The following ALB variants were observed in gnomAD, a reference collection of about 807,000 sequenced individuals.
ALB encodes the protein albumin, also known as serum albumin.
ALB carries 37 observed loss-of-function variants against 74.5 expected under a neutral mutation model. The observed-to-expected ratio is 0.50, with a 90% confidence interval of 0.38 to 0.65. The LOEUF is 0.65. ALB is among the 30% of genes least tolerant of loss of function. The pLI is 0.00. For synonymous variants in ALB, 249 were observed against 251.6 expected (o/e 0.99, Z 0.10); for missense variants, 685 against 718.7 (o/e 0.95, Z 0.54).
Position 73,413,458 on chromosome 4 carries a change from G to C in ALB, c.882G>C (p.Ser294=). The change falls in exon 8 of 15, where the codon TCG becomes TCC. Residue 294 remains serine (S), a synonymous_variant. Coordinates refer to ENST00000295897, the MANE Select transcript of ALB (RefSeq NM_000477.7). ...LAKYICENQD[S]ISSKLKECCE... ...AGTATATCTGTGAAAATCAAGATTC[G>C]ATCTCCAGTAAACTGAAGGAATGCT... 1.2e-6 allele frequency: 2 copies of C among 1,614,076 alleles called. No individual in the cohort carries two copies. Among genetic ancestry groups the C allele is most frequent in the Non-Finnish European group, 1.7e-6 (2 of 1,180,010 alleles).
chr4:73,421,307 A>G lies in ALB; in HGVS notation c.*239A>G, dbSNP rs1560385958. On this transcript the variant is annotated 3_prime_UTR_variant, in exon 15 of 15. Coordinates refer to ENST00000295897, the MANE Select transcript of ALB (RefSeq NM_000477.7). ...TCAAAGATGTGTTGCTATCCTGAAA[A>G]TTCTGTAGGTTCTGTGGAAGTTCCA... is the stretch of plus-strand genomic sequence containing the variant. 3 of 416,242 alleles carry G rather than the reference A, an allele frequency of 7.2e-6. No individual in the cohort carries two copies. The highest frequency in any genetic ancestry group is 4.1e-5 in the African/African-American group (2 of 48,814). 25.8% of individuals were successfully genotyped at this position (416,242 alleles called of 1,614,324 possible).
intron 4 of ALB, 126 bp from the exon 5 acceptor site, chr4:73,409,229 A>G (rs1302480318): frequency 2.9e-6 from 3 of 1,022,632 alleles, no homozygotes; most frequent in Non-Finnish European, 2.9e-6. Context: ...TCATGTGCAA[A>G]TTGAGCTTAA....
In ALB at chr4:73,413,558, T is replaced by G. The variant is rs1718931748; in HGVS notation, c.982T>G (p.Ser328Ala). ...ENDEMPADLP[S>A]LAADFVESKD... Reference sequence around the variant, plus strand: ...TGATGAGATGCCTGCTGACTTGCCTTCATTAGCTGCTGATTTTGTTGAAAG... The same window carrying G: ...TGATGAGATGCCTGCTGACTTGCCTGCATTAGCTGCTGATTTTGTTGAAAG... Residue 328 changes from serine to alanine, a missense_variant, in exon 8 of 15, where the codon TCA (serine) becomes GCA (alanine). By Grantham distance (99) the Ser-to-Ala change is moderately conservative. Coordinates refer to ENST00000295897, the MANE Select transcript of ALB (RefSeq NM_000477.7). 6.2e-7 allele frequency: 1 copy of G among 1,614,082 alleles called. No homozygotes were observed. The highest frequency in any genetic ancestry group is 1.7e-5 in the Admixed American group (1 of 59,996).
chr4:73,413,578 T>G lies in ALB; in HGVS notation c.1002T>G (p.Val334=), dbSNP rs1385821637. ...ADLPSLAADF[V]ESKDVCKNYA... is the part of the protein sequence containing the mutation. ...TGCCTTCATTAGCTGCTGATTTTGT[T>G]GAAAGTAAGGATGTTTGCAAAAACT... The change falls in exon 8 of 15, where the codon GTT becomes GTG. Residue 334 remains valine, a synonymous_variant. Transcript: ENST00000295897. 3.1e-6 allele frequency: 5 copies of G among 1,614,084 alleles called. No homozygotes were observed.
At chr4:73,405,070 G>T in intron 1 of ALB, 46 bp from the exon 2 acceptor site, 1 of 1,525,370 alleles carries the variant, frequency 6.6e-7, no homozygotes, top group South Asian at 1.1e-5. Context: ...ATTACTTCTT[G>T]TTTTCTTCAG....
chr4:73,405,220 T>G, intron 2 of ALB, 47 bp downstream of exon 2: 1 of 1,466,566 alleles, frequency 6.8e-7, no homozygotes, highest in South Asian at 1.1e-5. Context: ...CTAATAGTGT[T>G]GTTTATTATT....
At chr4:73,410,594 ATCTTT>A (rs1435952273) in intron 6 of ALB, among the ~76,000 whole-genome samples, 185 bp downstream of exon 6, 1 of 152,110 alleles carries the variant, frequency 6.6e-6, no homozygotes, top group Non-Finnish European at 1.5e-5. Flanking sequence ...ATTATTTTTA[ATCTTT>A]TCTTTTCTAA....
In ALB at chr4:73,417,665, A is replaced by C. The variant is rs752495547; in HGVS notation, c.1424A>C (p.Asp475Ala). ...GCAAAAAGAATGCCCTGTGCAGAAGACTATGTGAGTCTTTAAAAAAATATA... is the reference window on the plus strand; with the variant it reads ...GCAAAAAGAATGCCCTGTGCAGAAGCCTATGTGAGTCTTTAAAAAAATATA... Reference protein sequence around the residue: ...PEAKRMPCAEDYLSVVLNQLC... With the variant: ...PEAKRMPCAEAYLSVVLNQLC... Residue 475 changes from aspartate to alanine, a missense_variant, in exon 11 of 15, where the codon GAC (aspartate) becomes GCC (alanine). Transcript: ENST00000295897. The C allele has an allele frequency of 1.0e-5, 16 of 1,599,708 alleles. No individual in the cohort carries two copies. The Admixed American group carries it at 1.7e-4, about 17-fold the overall frequency.
intron 4 of ALB, 39 bp downstream of exon 4, chr4:73,408,844 A>G (rs1157694976): frequency 6.5e-7 from 1 of 1,547,706 alleles, no homozygotes; most frequent in Non-Finnish European, 8.9e-7. Context: ...ATTAAAAAGC[A>G]TGGAGTAACT....
chr4:73,406,695 T>C lies in ALB; in HGVS notation c.204T>C (p.Asn68=). 6.2e-7 allele frequency: 1 copy of C among 1,613,948 alleles called. No homozygotes were observed. The highest frequency in any genetic ancestry group is 8.5e-7 in the Non-Finnish European group (1 of 1,179,948). The change falls in exon 3 of 15, where the codon AAT becomes AAC. Residue 68 remains asparagine (N), a synonymous_variant. Transcript: ENST00000295897. ...CPFEDHVKLV[N]EVTEFAKTCV... is the part of the protein sequence containing the mutation. The stretch of plus-strand genomic sequence containing the variant: ...TTGAAGATCATGTAAAATTAGTGAA[T>C]GAAGTAACTGAATTTGCAAAAACAT...
chr4:73,415,400 A>G lies in ALB; in HGVS notation c.1191+233A>G, dbSNP rs1274135722. 1.4e-5 allele frequency: 7 copies of G among 484,538 alleles called. No homozygotes were observed. The South Asian group carries it at 1.7e-4, about 12-fold the overall frequency. The allele number at this position is 484,538 out of a possible 1,614,324, so 30.0% of individuals were successfully genotyped here. On this transcript the variant is annotated intron_variant, in intron 9 of 14. Transcript: ENST00000295897. ...ATAGAGCAATCTCTAAAAAATTTTG[A>G]TCTTTTTTTCTCTTTTTCACAATCC...
In ALB at chr4:73,413,596, C is replaced by T. The variant is rs765427435; in HGVS notation, c.1020C>T (p.Cys340=). 1.9e-6 allele frequency: 3 copies of T among 1,614,116 alleles called. No homozygotes were observed. The East Asian group carries it at 6.7e-5, about 36-fold the overall frequency. ...AADFVESKDV[C]KNYAEAKDVF... is the part of the protein sequence containing the mutation. ...ATTTTGTTGAAAGTAAGGATGTTTGCAAAAACTATGCTGAGGCAAAGGATG... is the reference window on the plus strand; with the variant it reads ...ATTTTGTTGAAAGTAAGGATGTTTGTAAAAACTATGCTGAGGCAAAGGATG... The change falls in exon 8 of 15, where the codon TGC becomes TGT. Residue 340 remains cysteine, a synonymous_variant. Transcript: ENST00000295897.
chr4:73,409,147 G>GCGCA (rs113884088), intron 4 of ALB: 2 of 489,044 alleles, frequency 4.1e-6, no homozygotes, highest in Non-Finnish European at 7.2e-6. Flanking sequence ...AACCATTTAT[G>GCGCA]CACACACACA....
intron 3 of ALB, among the ~76,000 whole-genome samples, chr4:73,407,574 C>T (rs1577935546): frequency 2.6e-5 from 4 of 152,104 alleles, no homozygotes; most frequent in Admixed American, 2.6e-4. Flanking sequence ...GCAATGAACA[C>T]AGGAGAGCTA....
chr4:73,415,452 A>C, intron 9 of ALB: 2 of 359,122 alleles, frequency 5.6e-6, no homozygotes, highest in South Asian at 3.1e-5. Context: ...TTAAATTTAA[A>C]TGTTAATTAG....
chr4:73,405,241 T>G (rs946681999), intron 2 of ALB, 68 bp downstream of exon 2: 1 of 1,331,940 alleles, frequency 7.5e-7, no homozygotes, highest in Non-Finnish European at 1.1e-6. Context: ...CTAAAGTGCT[T>G]ATATTTCCTT....
intron 11 of ALB, 136 bp downstream of exon 11, chr4:73,417,805 G>T (rs1191792941): frequency 2.5e-6 from 2 of 808,946 alleles, no homozygotes; most frequent in Non-Finnish European, 3.8e-6. Context: ...GTGCATGCAC[G>T]TGTGTGTATG....
chr4:73,406,522 G>A, intron 2 of ALB, 107 bp from the exon 3 acceptor site: 2 of 1,074,366 alleles, frequency 1.9e-6, no homozygotes, highest in South Asian at 1.4e-5. Flanking sequence ...TGAAGAAGAT[G>A]TATAAAAGAT....
Position 73,415,106 on chromosome 4 carries a change from A to G in ALB, c.1130A>G (p.Tyr377Cys), listed in dbSNP as rs756656023. The change falls in exon 9 of 15, where the codon TAT becomes TGT. Residue 377 changes from tyrosine to cysteine, a missense_variant. Transcript: ENST00000295897. ...CTGCTGCTGAGACTTGCCAAGACAT[A>G]TGAAACCACTCTAGAGAAGTGCTGT... ...VVLLLRLAKT[Y>C]ETTLEKCCAA... 1.2e-6 allele frequency: 2 copies of G among 1,614,196 alleles called. No individual in the cohort carries two copies. Among genetic ancestry groups the G allele is most frequent in the Non-Finnish European group, 1.7e-6 (2 of 1,180,024 alleles).
Sources: allele counts gnomAD v4.1 joint callset (sites outside exome capture counted in the v4.1 genomes callset), GRCh38; gene constraint gnomAD v4.1.1; transcripts MANE v1.5; gene names NCBI Gene and HGNC (gene_info 2026-07-23, HGNC 2026-07-21).